ERBB4: variants seen among roughly 807,000 people sequenced by gnomAD.
ERBB4 encodes erb-b2 receptor tyrosine kinase 4.
In ERBB4, 42 loss-of-function variants were observed where a neutral mutation model predicts 158.0. The ratio of observed to expected loss-of-function variants is 0.27; its 90% CI spans 0.21 to 0.34. The LOEUF is 0.34. ERBB4 is among the 10% of genes least tolerant of loss of function. ERBB4 has a pLI of 1.00. For missense variants in ERBB4, 1,333 were observed against 1,624.1 expected (o/e 0.82, Z 3.08); for synonymous variants, 583 against 558.7 (o/e 1.04, Z -0.61).
At chr2:211,453,445 T>G (rs1287868112) in intron 20 of ERBB4, among the ~76,000 whole-genome samples, 1 of 152,168 alleles carries the variant, frequency 6.6e-6, no homozygotes, top group African/African-American at 2.4e-5. Context: ...ATGTTCCTCT[T>G]TTTATACTGT....
intron 1 of ERBB4, among the ~76,000 whole-genome samples, chr2:212,228,268 G>A (rs893680355): frequency 6.6e-6 from 1 of 152,116 alleles, no homozygotes; most frequent in African/African-American, 2.4e-5. Flanking sequence ...ATTAGAAGAA[G>A]ATGACAAAAC....
At chr2:212,400,857 G>C (rs2091183030) in intron 1 of ERBB4, among the ~76,000 whole-genome samples, 1 of 152,018 alleles carries the variant, frequency 6.6e-6, no homozygotes, top group African/African-American at 2.4e-5. Flanking sequence ...ACTTGGGTCT[G>C]GGGCAACAAT....
At chr2:212,255,233 C>A (rs1003274510) in intron 1 of ERBB4, among the ~76,000 whole-genome samples, 3 of 152,062 alleles carry the variant, frequency 2.0e-5, no homozygotes, top group Non-Finnish European at 2.9e-5. Flanking sequence ...TGACTATGCA[C>A]TATAGCAATT....
At chr2:211,550,901 C>T (rs2067075674) in intron 20 of ERBB4, among the ~76,000 whole-genome samples, 1 of 151,198 alleles carries the variant, frequency 6.6e-6, no homozygotes, top group African/African-American at 2.4e-5. Context: ...CTAAGAAATA[C>T]ACCGAGACAC....
chr2:212,408,399 C>T lies in ERBB4; in HGVS notation c.82+130050G>A, dbSNP rs572603167. On this transcript the variant is annotated intron_variant, in intron 1 of 27. Transcript: ENST00000342788. The stretch of plus-strand genomic sequence containing the variant: ...AGGATAATGGCTATTATTTTATACT[C>T]CAAAATTTTAAATTCAACATTTGTA... 1.4e-3 allele frequency among the ~76,000 whole-genome samples: 217 copies of T among 152,144 alleles called. 2 individuals carry two copies. Among genetic ancestry groups the T allele is most frequent in the African/African-American group, 5.0e-3 (208 of 41,508 alleles).
At position 211,378,681 on chromosome 2, in the gene ERBB4, G is replaced by T. The variant is rs1240580449; in HGVS notation, c.*4934C>A. The T allele has an allele frequency of 4.3e-6, 1 of 232,202 alleles. No homozygotes were observed. Among genetic ancestry groups the T allele is most frequent in the Non-Finnish European group, 8.5e-6 (1 of 117,210 alleles). The allele number at this position is 232,202 out of a possible 1,614,324, so 14.4% of individuals were successfully genotyped here. A position where few individuals can be genotyped will look rare whatever the true frequency, so the allele number is the denominator to read the frequency against. ...TAATAATGAGGTCTCCACTGATAATGATCTTTTAAAATTATGCCTGATCTC... is the reference window on the plus strand; with the variant it reads ...TAATAATGAGGTCTCCACTGATAATTATCTTTTAAAATTATGCCTGATCTC... On this transcript the variant is annotated 3_prime_UTR_variant, in exon 28 of 28. Coordinates refer to ENST00000342788, the MANE Select transcript of ERBB4 (RefSeq NM_005235.3).
intron 20 of ERBB4, among the ~76,000 whole-genome samples, chr2:211,482,190 C>T (rs148145605): frequency 2.2e-3 from 339 of 152,224 alleles, no homozygotes; most frequent in African/African-American, 6.9e-3. Context: ...ACTAGAATAC[C>T]GATCAGTACA....
Position 212,373,954 on chromosome 2 carries a change from A to G in ERBB4, c.82+164495T>C, listed in dbSNP as rs1384203588. ...CCATATATATCCATATATATATCAT[A>G]TATATATCCATATATATCCATATAT... is the stretch of plus-strand genomic sequence containing the variant. On this transcript the variant is annotated intron_variant, in intron 1 of 27. Transcript: ENST00000342788. Among the ~76,000 whole-genome samples, 5 of 125,754 alleles carry G rather than the reference A, an allele frequency of 4.0e-5. 2 individuals are homozygous for G. Among genetic ancestry groups the G allele is most frequent in the African/African-American group, 1.2e-4 (4 of 32,948 alleles). The allele number at this position is 125,754 out of a possible 152,430, so 82.5% of individuals were successfully genotyped here.
At chr2:211,433,050 G>C (rs979264054) in intron 20 of ERBB4, among the ~76,000 whole-genome samples, 1 of 152,170 alleles carries the variant, frequency 6.6e-6, no homozygotes, top group Admixed American at 6.5e-5. Flanking sequence ...GACAGAGTGA[G>C]GGTAAAACTG....
chr2:211,621,382 T>C (rs2069596022), intron 18 of ERBB4, among the ~76,000 whole-genome samples: 1 of 152,130 alleles, frequency 6.6e-6, no homozygotes, highest in African/African-American at 2.4e-5. Context: ...TGCACTTCTA[T>C]GGTCAAGAAT....
intron 3 of ERBB4, among the ~76,000 whole-genome samples, chr2:211,822,994 T>C (rs1173677474): frequency 1.3e-5 from 2 of 151,994 alleles, no homozygotes; most frequent in African/African-American, 4.8e-5. Flanking sequence ...TGGGAAGAAC[T>C]TCCAATGCTG....
chr2:211,887,811 T>C (rs2078844735), intron 3 of ERBB4, among the ~76,000 whole-genome samples: 1 of 152,186 alleles, frequency 6.6e-6, no homozygotes, highest in Non-Finnish European at 1.5e-5. Context: ...TAGAACATAA[T>C]ATCCAAGAGG....
intron 1 of ERBB4, among the ~76,000 whole-genome samples, chr2:212,216,871 A>G (rs769664872): frequency 6.6e-6 from 1 of 151,386 alleles, no homozygotes; most frequent in African/African-American, 2.4e-5. Context: ...ACCTATCAGA[A>G]TGCAAGAGAG....
At chr2:212,191,759 TAC>T (rs1219313905) in intron 1 of ERBB4, among the ~76,000 whole-genome samples, 8 of 140,948 alleles carry the variant, frequency 5.7e-5, no homozygotes, top group African/African-American at 2.2e-4. Context: ...ACACGTGTTA[TAC>T]ATGTTATATA....
At chr2:212,244,131 C>T (rs1043864958) in intron 1 of ERBB4, among the ~76,000 whole-genome samples, 5 of 151,914 alleles carry the variant, frequency 3.3e-5, no homozygotes, top group Admixed American at 2.0e-4. Flanking sequence ...GAAAGAGAGA[C>T]TGGTATAATT....
At chr2:212,159,264 GTTT>G (rs72054973) in intron 1 of ERBB4, among the ~76,000 whole-genome samples, 35 of 141,288 alleles carry the variant, frequency 2.5e-4, no homozygotes, top group Non-Finnish European at 4.3e-4. Context: ...GTGTGTTTTT[GTTT>G]TTTTTTTTTT....
chr2:211,880,862 T>C (rs34429569), intron 3 of ERBB4, among the ~76,000 whole-genome samples: 15,347 of 152,284 alleles, frequency 0.1, 1,131 homozygotes, highest in South Asian at 0.29. Flanking sequence ...CCACATCAAT[T>C]TTCAAGGAAA....
intron 20 of ERBB4, among the ~76,000 whole-genome samples, chr2:211,515,912 A>ATATATATATATTTTTT (rs35696520): frequency 2.5e-5 from 2 of 78,976 alleles, no homozygotes; most frequent in African/African-American, 1.1e-4. Flanking sequence ...ATATATATAT[A>ATATATATATATTTTTT]TTTTTTTTTT....
At chr2:212,503,762 C>A (rs763129198) in intron 1 of ERBB4, among the ~76,000 whole-genome samples, 4 of 152,060 alleles carry the variant, frequency 2.6e-5, no homozygotes, top group Non-Finnish European at 4.4e-5. Flanking sequence ...TTTAGAGGAA[C>A]AGTCAAAAGT....
Sources: gnomAD v4.1 joint callset for allele counts (sites outside exome capture counted in the v4.1 genomes callset) on GRCh38, gnomAD v4.1.1 for gene constraint, MANE v1.5 for transcripts, NCBI Gene and HGNC (gene_info 2026-07-23, HGNC 2026-07-21) for gene names.